PLA2R1: variants seen among roughly 807,000 people sequenced by gnomAD.
The protein encoded by PLA2R1 is secretory phospholipase A2 receptor.
Under a neutral mutation model 195.9 loss-of-function variants are expected in PLA2R1, and 158 were observed. That is an observed-to-expected ratio of 0.81 (90% CI 0.71 to 0.92). The LOEUF is 0.92. Among genes scored for constraint, PLA2R1 ranks in the 40% least tolerant of loss-of-function variants. The pLI is 0.00. For missense variants in PLA2R1, 1,626 were observed against 1,764.6 expected, an observed-to-expected ratio of 0.92 and a Z score of 1.41; for synonymous variants, 586 against 598.2, an observed-to-expected ratio of 0.98 and a Z score of 0.30.
chr2:160,055,967 C>T (rs906167445), intron 1 of PLA2R1, among the ~76,000 whole-genome samples: 5 of 152,136 alleles, frequency 3.3e-5, no homozygotes, highest in African/African-American at 7.2e-5. Flanking sequence ...CAGCTACCCC[C>T]CTTCCTCGCC....
intron 25 of PLA2R1, among the ~76,000 whole-genome samples, chr2:159,947,780 T>C (rs1687478872): frequency 1.3e-5 from 2 of 152,222 alleles, no homozygotes; most frequent in South Asian, 4.1e-4. Flanking sequence ...ACAAGATATG[T>C]TAAGGCACAG....
At chr2:159,989,835 G>C (rs980515175) in intron 11 of PLA2R1, among the ~76,000 whole-genome samples, 1 of 152,188 alleles carries the variant, frequency 6.6e-6, no homozygotes, top group Non-Finnish European at 1.5e-5. Flanking sequence ...AGTTTGAAAT[G>C]TAATATACTT....
At chr2:159,943,847 T>G (rs925504389) in intron 28 of PLA2R1, among the ~76,000 whole-genome samples, 3 of 151,858 alleles carry the variant, frequency 2.0e-5, no homozygotes, top group African/African-American at 7.2e-5. Flanking sequence ...ACTCACACTG[T>G]GGGGGTTTCA....
chr2:159,994,910 C>T (rs1475180704), intron 11 of PLA2R1, among the ~76,000 whole-genome samples: 1 of 151,944 alleles, frequency 6.6e-6, no homozygotes, highest in Non-Finnish European at 1.5e-5. Flanking sequence ...CATGTAGGTT[C>T]GTCAATTGTA....
intron 20 of PLA2R1, among the ~76,000 whole-genome samples, chr2:159,963,287 T>G (rs1289825624): frequency 6.6e-6 from 1 of 152,190 alleles, no homozygotes; most frequent in African/African-American, 2.4e-5. Context: ...CATGAAGCTC[T>G]TAGACAAACA....
At chr2:160,018,318 A>G (rs1263344230) in intron 8 of PLA2R1, among the ~76,000 whole-genome samples, 1 of 152,170 alleles carries the variant, frequency 6.6e-6, no homozygotes, top group Non-Finnish European at 1.5e-5. Context: ...ATCAAAACTA[A>G]TGAACCAATA....
chr2:160,004,253 C>T (rs748238982), intron 11 of PLA2R1, among the ~76,000 whole-genome samples: 23 of 152,316 alleles, frequency 1.5e-4, no homozygotes, highest in Middle Eastern at 6.8e-3. Context: ...TCTGGGACAC[C>T]AGACATAAAT....
intron 1 of PLA2R1, among the ~76,000 whole-genome samples, chr2:160,046,426 G>A (rs1694879619): frequency 6.6e-6 from 1 of 152,194 alleles, no homozygotes; most frequent in Admixed American, 6.5e-5. Context: ...AACAGGTACA[G>A]GCAGAGGCTT....
At position 159,945,171 on chromosome 2, in the gene PLA2R1, AATTTTTTT is replaced by A. The variant is rs1243063585; in HGVS notation, c.3968-97_3968-90del. 2.6e-5 allele frequency: 19 copies of A among 740,006 alleles called. No homozygotes were observed. The African/African-American group carries it at 2.6e-4, about 10-fold the overall frequency. The allele number at this position is 740,006 out of a possible 1,614,324, so 45.8% of individuals were successfully genotyped here. On this transcript the variant is annotated intron_variant, in intron 27 of 29. Transcript: ENST00000283243. ...AATTAACCATAAAAAGCAGCCCCTG[AATTTTTTT>A]ATTTTTTTATTTTTATTTTTATTTT...
At chr2:159,929,868 G>A (rs1339573534), downstream of PLA2R1, among the ~76,000 whole-genome samples, 33 of 120,344 alleles carry the variant, frequency 2.7e-4, no homozygotes, top group African/African-American at 8.4e-4. Flanking sequence ...GTGTGTGTGT[G>A]TGTGTATATA....
chr2:159,956,597 T>C lies in PLA2R1; in HGVS notation c.2935A>G (p.Ser979Gly). The change falls in exon 21 of 30, where the codon AGC (serine) becomes GGC (glycine). Residue 979 changes from serine (S) to glycine (G), a missense_variant. Physicochemically the swap from Ser to Gly is moderately conservative, Grantham distance 56. Coordinates refer to ENST00000283243, the MANE Select transcript of PLA2R1 (RefSeq NM_007366.5). ...CLLLNIPKDP[S>G]SWKNWTHAQH... ...GCATGCGTCCAGTTCTTCCAACTGCTTGGGTCTTTGGGGATATTCAGCAGA... is the reference window on the plus strand; with the variant it reads ...GCATGCGTCCAGTTCTTCCAACTGCCTGGGTCTTTGGGGATATTCAGCAGA... 6.2e-7 allele frequency: 1 copy of C among 1,611,874 alleles called. No homozygotes were observed.
At chr2:160,029,072 G>A (rs1486456716) in intron 4 of PLA2R1, 109 bp from the exon 5 acceptor site, 1 of 682,814 alleles carries the variant, frequency 1.5e-6, no homozygotes, top group Non-Finnish European at 2.7e-6. Flanking sequence ...TCAATGACGG[G>A]AAAGGTGCAC....
In PLA2R1 at chr2:160,036,897, C is replaced by T. The variant is rs556019613; in HGVS notation, c.668-3765G>A. 5.2e-4 allele frequency among the ~76,000 whole-genome samples: 79 copies of T among 152,096 alleles called. 1 individual carries two copies. The highest frequency in any genetic ancestry group is 1.7e-3 in the South Asian group (8 of 4,824). On this transcript the variant is annotated intron_variant, in intron 3 of 29. Transcript: ENST00000283243. Reference sequence around the variant, plus strand: ...TGCTGTTCCCTGGGGAAAAATGGAACGGGGGAGGTGGCGAATTCTTCTTTT... The same window carrying T: ...TGCTGTTCCCTGGGGAAAAATGGAATGGGGGAGGTGGCGAATTCTTCTTTT...
chr2:160,062,236 G>C (rs1377257375), intron 1 of PLA2R1, 59 bp downstream of exon 1: 3 of 1,257,512 alleles, frequency 2.4e-6, no homozygotes, highest in Non-Finnish European at 3.2e-6. Flanking sequence ...CCTCTCCTTC[G>C]ACCACCCCGA....
Position 159,976,202 on chromosome 2 carries a change from C to G in PLA2R1, c.2461G>C (p.Asp821His). ...AAGGTATGAAAAAGGTATTCTGCATCCTGATAAAAGAGCCAGGGTACATCT... is the reference window on the plus strand; with the variant it reads ...AAGGTATGAAAAAGGTATTCTGCATGCTGATAAAAGAGCCAGGGTACATCT... ...QYDVPWLFYQDAEYLFHTFAS... is the reference protein window; with the variant it reads ...QYDVPWLFYQHAEYLFHTFAS... Residue 821 changes from aspartate (D) to histidine (H), a missense_variant, in exon 17 of 30, where the codon GAT (aspartate) becomes CAT (histidine). Coordinates refer to ENST00000283243, the MANE Select transcript of PLA2R1 (RefSeq NM_007366.5). 2.5e-6 allele frequency: 4 copies of G among 1,609,220 alleles called. No individual in the cohort carries two copies. Among genetic ancestry groups the G allele is most frequent in the Non-Finnish European group, 3.4e-6 (4 of 1,177,194 alleles).
intron 20 of PLA2R1, among the ~76,000 whole-genome samples, chr2:159,956,882 G>A (rs1688128344): frequency 6.6e-6 from 1 of 151,970 alleles, no homozygotes; most frequent in Non-Finnish European, 1.5e-5. Context: ...CTTGTGAAAT[G>A]TCAGAACAGT....
Position 159,946,466 on chromosome 2 carries a change from T to C in PLA2R1, c.3967+335A>G, listed in dbSNP as rs1052164066. The stretch of plus-strand genomic sequence containing the variant: ...ATAACTCTATTGTGCTTTTATAACA[T>C]TTAGAAACCTGGGATATTTTCCAGT... On this transcript the variant is annotated intron_variant, in intron 27 of 29. Coordinates refer to ENST00000283243, the MANE Select transcript of PLA2R1 (RefSeq NM_007366.5). 9.9e-6 allele frequency: 10 copies of C among 1,012,118 alleles called. No individual in the cohort carries two copies. The African/African-American group carries it at 1.6e-4, about 16-fold the overall frequency. 62.7% of individuals were successfully genotyped at this position (1,012,118 alleles called of 1,614,324 possible).
Position 159,955,198 on chromosome 2 carries a change from C to T in PLA2R1, c.3301+1G>A, listed in dbSNP as rs202006892. The T allele has an allele frequency of 4.4e-6, 7 of 1,598,534 alleles. No individual in the cohort carries two copies. The Admixed American group carries it at 5.2e-5, about 12-fold the overall frequency. Reference sequence around the variant, plus strand: ...GGAATAAAAACCCAAATATTTCTTACCTTGCATTTTTTCACAAACAAACCC... The same window carrying T: ...GGAATAAAAACCCAAATATTTCTTATCTTGCATTTTTTCACAAACAAACCC... On this transcript the variant is annotated splice_donor_variant, in intron 23 of 29. Coordinates refer to ENST00000283243, the MANE Select transcript of PLA2R1 (RefSeq NM_007366.5). LOFTEE classifies it high-confidence loss of function.
At chr2:159,949,241 C>A (rs146755930) in intron 25 of PLA2R1, among the ~76,000 whole-genome samples, 2 of 152,110 alleles carry the variant, frequency 1.3e-5, no homozygotes, top group Non-Finnish European at 2.9e-5. Context: ...ACGTAAGCCT[C>A]GTCCTGTCTT....
Sources: allele counts gnomAD v4.1 joint callset (sites outside exome capture counted in the v4.1 genomes callset), GRCh38; gene constraint gnomAD v4.1.1; transcripts MANE v1.5; gene names NCBI Gene and HGNC (gene_info 2026-07-23, HGNC 2026-07-21).